The following FBXO40 variants were observed in gnomAD, a reference collection of about 807,000 sequenced individuals.
FBXO40 encodes F-box protein 40, also known as F-box only protein 40.
In FBXO40, 50 loss-of-function variants were observed where a neutral mutation model predicts 49.9. The observed-to-expected ratio is 1.00, with a 90% CI of 0.80 to 1.27. FBXO40 has a LOEUF of 1.27. Ranked by LOEUF, FBXO40 falls within the 50% of genes most tolerant of loss-of-function variation. The probability of loss-of-function intolerance (pLI) is 0.00; values close to 1 mark genes in which losing one functional copy is unlikely to be tolerated. For missense variants in FBXO40, 895 were observed against 870.1 expected, an observed-to-expected ratio of 1.03 and a Z score of -0.36; for synonymous variants, 340 against 320.2, an observed-to-expected ratio of 1.06 and a Z score of -0.66.
rs552052257 is a variant in FBXO40 at position 121,617,499 on chromosome 3, G to A, written c.-30-3047G>A. Among the ~76,000 whole-genome samples the A allele has an allele frequency of 3.2e-3, 489 of 152,202 alleles. 3 individuals are homozygous for A. Among genetic ancestry groups the A allele is most frequent in the African/African-American group, 0.011 (450 of 41,528 alleles). ...AATCCTAGCTACTCGGGAGGCTGAG[G>A]CAGGAGAATCGCTTGAACCTAGGAG... is the stretch of plus-strand genomic sequence containing the variant. On this transcript the variant is annotated intron_variant, in intron 1 of 3. Transcript: ENST00000338040.
chr3:121,615,732 TA>T (rs1319578453), intron 1 of FBXO40, among the ~76,000 whole-genome samples: 2 of 152,140 alleles, frequency 1.3e-5, no homozygotes, highest in Non-Finnish European at 2.9e-5. Flanking sequence ...TATCTTTAAG[TA>T]AAAAGGGCTG....
Position 121,626,921 on chromosome 3 carries a change from G to T in FBXO40, c.*11G>T. 1 of 1,611,436 alleles carries T rather than the reference G, an allele frequency of 6.2e-7. No individual in the cohort carries two copies. Among genetic ancestry groups the T allele is most frequent in the Non-Finnish European group, 8.5e-7 (1 of 1,177,686 alleles). On this transcript the variant is annotated 3_prime_UTR_variant, in exon 4 of 4. Transcript: ENST00000338040. Reference sequence around the variant, plus strand: ...AGATACGTCTCCTAAAAATTCAGATGCCACTCGATGCACCCTTCTTGGATT... The same window carrying T: ...AGATACGTCTCCTAAAAATTCAGATTCCACTCGATGCACCCTTCTTGGATT...
At position 121,623,318 on chromosome 3, in the gene FBXO40, G is replaced by A; in HGVS notation, c.1889G>A (p.Gly630Asp). Reference protein sequence around the residue: ...QWKKKRYSHGGTSWRVHREIW... With the variant: ...QWKKKRYSHGDTSWRVHREIW... ...AAGAAAAAGAGGTATTCCCATGGAG[G>A]CACCTCCTGGAGAGTCCACAGAGAG... Residue 630 changes from glycine to aspartate, a missense_variant, in exon 3 of 4, where the codon GGC becomes GAC. Transcript: ENST00000338040. The A allele has an allele frequency of 1.9e-6, 3 of 1,613,904 alleles. No individual in the cohort carries two copies. The highest frequency in any genetic ancestry group is 2.5e-6 in the Non-Finnish European group (3 of 1,179,858).
In FBXO40 at chr3:121,629,608, T is replaced by C. The variant is rs1291597525; in HGVS notation, c.*2698T>C. 6.6e-6 allele frequency: 1 copy of C among 152,152 alleles called. No homozygotes were observed. 9.4% of individuals were successfully genotyped at this position (152,152 alleles called of 1,614,324 possible). ...CTTTCCCTTCCCAAACTGGGTGAGC[T>C]GGGGAAGCCTTGGTTCAGGAGAGTG... On this transcript the variant is annotated 3_prime_UTR_variant, in exon 4 of 4. Transcript: ENST00000338040.
chr3:121,615,636 A>G (rs1016670260), intron 1 of FBXO40, among the ~76,000 whole-genome samples: 75 of 152,236 alleles, frequency 4.9e-4, no homozygotes, highest in African/African-American at 1.7e-3. Context: ...TTAAACTTGA[A>G]ATGGGCAGAT....
At chr3:121,598,203 T>A (rs907618148) in intron 1 of FBXO40, among the ~76,000 whole-genome samples, 5 of 152,114 alleles carry the variant, frequency 3.3e-5, no homozygotes, top group Admixed American at 6.5e-5. Flanking sequence ...TGTGCTGGAA[T>A]AAGTGACAAG....
Position 121,622,968 on chromosome 3 carries a change from C to T in FBXO40, c.1539C>T (p.Leu513=), listed in dbSNP as rs556294432. The T allele has an allele frequency of 1.3e-5, 21 of 1,614,220 alleles. No individual in the cohort carries two copies. In the South Asian group the frequency reaches 1.3e-4, roughly 10 times the overall value. Residue 513 remains leucine, a synonymous_variant, in exon 3 of 4, where the codon CTC becomes CTT. Coordinates refer to ENST00000338040, the MANE Select transcript of FBXO40 (RefSeq NM_016298.4). ...GCTGGTTCCAGCATCGATGCCCCCT[C>T]GCCTACTTGGGATGTACATTTGTTC... The part of the protein sequence containing the change: ...LNGWFQHRCP[L]AYLGCTFVQN...
intron 1 of FBXO40, among the ~76,000 whole-genome samples, chr3:121,602,335 T>A (rs1277930767): frequency 1.3e-5 from 2 of 152,180 alleles, no homozygotes; most frequent in Non-Finnish European, 2.9e-5. Context: ...CATCTTCCCA[T>A]CCATGAGATC....
intron 1 of FBXO40, among the ~76,000 whole-genome samples, chr3:121,604,357 G>A (rs1028217174): frequency 1.3e-4 from 20 of 152,132 alleles, no homozygotes. Context: ...TGATATATGA[G>A]TACCATACAT....
At position 121,617,859 on chromosome 3, in the gene FBXO40, G is replaced by A. The variant is rs536963947; in HGVS notation, c.-30-2687G>A. 5.8e-4 allele frequency among the ~76,000 whole-genome samples: 88 copies of A among 152,168 alleles called. 1 individual carries two copies. Among genetic ancestry groups the A allele is most frequent in the African/African-American group, 2.1e-3 (86 of 41,530 alleles). ...TGCTAAAAACACAAAAATTAGCCAGGTGTGGTAGCGCCTGATTGTAATCCC... is the reference window on the plus strand; with the variant it reads ...TGCTAAAAACACAAAAATTAGCCAGATGTGGTAGCGCCTGATTGTAATCCC... On this transcript the variant is annotated intron_variant, in intron 1 of 3. Coordinates refer to ENST00000338040, the MANE Select transcript of FBXO40 (RefSeq NM_016298.4).
intron 3 of FBXO40, 107 bp downstream of exon 3, chr3:121,623,450 C>A: frequency 1.1e-6 from 1 of 922,758 alleles, no homozygotes. Context: ...GTGGTGCAAT[C>A]ACAGCCTTGA....
intron 1 of FBXO40, among the ~76,000 whole-genome samples, chr3:121,617,765 C>T (rs972269866): frequency 6.6e-5 from 10 of 151,820 alleles, no homozygotes; most frequent in Admixed American, 1.3e-4. Flanking sequence ...TTTTGGAGGC[C>T]GAGGCAGGCG....
intron 1 of FBXO40, among the ~76,000 whole-genome samples, chr3:121,614,859 AG>A (rs1264260182): frequency 6.6e-6 from 1 of 152,228 alleles, no homozygotes; most frequent in African/African-American, 2.4e-5. Flanking sequence ...GCAGGAAAAG[AG>A]GGTCACGACC....
chr3:121,624,494 C>A (rs1426290184), intron 3 of FBXO40, among the ~76,000 whole-genome samples: 2 of 152,190 alleles, frequency 1.3e-5, no homozygotes, highest in Non-Finnish European at 2.9e-5. Context: ...TCCTTCTCCA[C>A]CCTGTCTGTC....
At chr3:121,603,773 C>T (rs866460219) in intron 1 of FBXO40, among the ~76,000 whole-genome samples, 1 of 152,062 alleles carries the variant, frequency 6.6e-6, no homozygotes, top group Non-Finnish European at 1.5e-5. Context: ...GGCTGGAGTG[C>T]AGTGGCACGA....
Position 121,629,376 on chromosome 3 carries a change from G to GA in FBXO40, c.*2468dup. Reference sequence around the variant, plus strand: ...AGCTAACACTGCAGTGGGAAGGAAGGAAGAGAGTTGTCCAGGTGGTAGTTC... The same window carrying GA: ...AGCTAACACTGCAGTGGGAAGGAAGGAAAGAGAGTTGTCCAGGTGGTAGTTC... On this transcript the variant is annotated 3_prime_UTR_variant, in exon 4 of 4. Transcript: ENST00000338040. The GA allele has an allele frequency of 6.6e-6, 1 of 152,214 alleles. No individual in the cohort carries two copies. Among genetic ancestry groups the GA allele is most frequent in the Middle Eastern group, 3.2e-3 (1 of 316 alleles). The allele number at this position is 152,214 out of a possible 1,614,324, so 9.4% of individuals were successfully genotyped here.
At position 121,628,783 on chromosome 3, in the gene FBXO40, T is replaced by C. The variant is rs1018799594; in HGVS notation, c.*1873T>C. 2.0e-5 allele frequency: 3 copies of C among 152,254 alleles called. No individual in the cohort carries two copies. The highest frequency in any genetic ancestry group is 2.9e-5 in the Non-Finnish European group (2 of 68,050). 9.4% of individuals were successfully genotyped at this position (152,254 alleles called of 1,614,324 possible). A position where few individuals can be genotyped will look rare whatever the true frequency, so the allele number is the denominator to read the frequency against. On this transcript the variant is annotated 3_prime_UTR_variant, in exon 4 of 4. Coordinates refer to ENST00000338040, the MANE Select transcript of FBXO40 (RefSeq NM_016298.4). ...GTTTTAGACATGTGGTGATTTTAAG[T>C]TGGGAACCAGAAGGAAATGATTCGT...
chr3:121,621,418 C>T lies in FBXO40; in HGVS notation c.4-15C>T, dbSNP rs376939060. The T allele has an allele frequency of 3.9e-5, 62 of 1,597,348 alleles. No individual in the cohort carries two copies. In the African/African-American group the frequency reaches 7.4e-4, roughly 19 times the overall value. On this transcript the variant is annotated splice_polypyrimidine_tract_variant and intron_variant, in intron 2 of 3. Coordinates refer to ENST00000338040, the MANE Select transcript of FBXO40 (RefSeq NM_016298.4). ...TATTCATTTGTTTTCTTCCCCCTGT[C>T]CTTGGTGTGTCCAGGGGAAAGCCCG...
intron 1 of FBXO40, among the ~76,000 whole-genome samples, chr3:121,614,691 G>A (rs1157926608): frequency 2.0e-5 from 3 of 152,164 alleles, no homozygotes; most frequent in Non-Finnish European, 4.4e-5. Flanking sequence ...AACTCAAGTA[G>A]CAGTGGACAA....
Sources: allele counts gnomAD v4.1 joint callset (sites outside exome capture counted in the v4.1 genomes callset), GRCh38; gene constraint gnomAD v4.1.1; transcripts MANE v1.5; gene names NCBI Gene and HGNC (gene_info 2026-07-23, HGNC 2026-07-21).